CA10: variants seen among roughly 807,000 people sequenced by gnomAD.
The protein encoded by CA10 is carbonic anhydrase-related protein 10.
In CA10, 14 loss-of-function variants were observed where a neutral mutation model predicts 44.2. The ratio of observed to expected loss-of-function variants is 0.32; its 90% CI spans 0.21 to 0.50. The LOEUF (loss-of-function observed/expected upper bound fraction) is 0.50. CA10 is among the 20% of genes least tolerant of loss of function. The pLI is 0.99. For synonymous variants in CA10, 159 were observed against 141.6 expected (o/e 1.12, Z -0.87); for missense variants, 350 against 409.7 (o/e 0.85, Z 1.26).
At chr17:52,128,609 C>A (rs1459641382) in intron 1 of CA10, among the ~76,000 whole-genome samples, 1 of 152,158 alleles carries the variant, frequency 6.6e-6, no homozygotes, top group Non-Finnish European at 1.5e-5. Flanking sequence ...ACCACTGATG[C>A]AGGATCTGAT....
At position 51,727,397 on chromosome 17, in the gene CA10, C is replaced by T. The variant is rs528158215; in HGVS notation, c.465+20236G>A. On this transcript the variant is annotated intron_variant, in intron 4 of 8. Transcript: ENST00000451037. ...CCAGATTAATGAGATGTCACCAAGA[C>T]GATTTTTTTTTTTACTTTAAAATGA... 1.1e-4 allele frequency among the ~76,000 whole-genome samples: 10 copies of T among 91,092 alleles called. No individual in the cohort carries two copies. In the East Asian group the frequency reaches 1.2e-3, roughly 11 times the overall value. 59.8% of individuals were successfully genotyped at this position (91,092 alleles called of 152,430 possible).
intron 1 of CA10, among the ~76,000 whole-genome samples, 197 bp downstream of exon 1, chr17:52,157,529 A>ACC (rs368350526): frequency 0.077 from 8,334 of 108,070 alleles, 317 homozygotes; most frequent in East Asian, 0.16. Flanking sequence ...GATCCTAACC[A>ACC]CCCCCCCCCG....
chr17:52,084,148 A>G (rs1189242604), intron 1 of CA10, among the ~76,000 whole-genome samples: 1 of 152,196 alleles, frequency 6.6e-6, no homozygotes, highest in Non-Finnish European at 1.5e-5. Context: ...AAACTGATTC[A>G]GGGAACTCAT....
At chr17:52,052,752 G>C (rs1012404079) in intron 2 of CA10, among the ~76,000 whole-genome samples, 3 of 152,064 alleles carry the variant, frequency 2.0e-5, no homozygotes, top group African/African-American at 4.8e-5. Context: ...AAAGTACTCG[G>C]AGCAGAAGCA....
At chr17:51,847,666 G>A (rs1978555406) in intron 3 of CA10, among the ~76,000 whole-genome samples, 1 of 152,208 alleles carries the variant, frequency 6.6e-6, no homozygotes, top group African/African-American at 2.4e-5. Flanking sequence ...TATAATGGCA[G>A]GAATCAGTGG....
At position 51,978,840 on chromosome 17, in the gene CA10, C is replaced by T. The variant is rs574381998; in HGVS notation, c.137-47708G>A. Among the ~76,000 whole-genome samples the T allele has an allele frequency of 2.0e-5, 3 of 152,198 alleles. No individual in the cohort carries two copies. The East Asian group carries it at 5.8e-4, about 29-fold the overall frequency. On this transcript the variant is annotated intron_variant, in intron 2 of 8. Coordinates refer to ENST00000451037, the MANE Select transcript of CA10 (RefSeq NM_020178.5). ...CCCATCTCTGGGTACTCATCCCTAA[C>T]ATGTATATTTTCAAGCAATAAGTCT... is the stretch of plus-strand genomic sequence containing the variant.
intron 4 of CA10, among the ~76,000 whole-genome samples, chr17:51,693,313 C>T (rs1915282990): frequency 6.6e-6 from 1 of 152,078 alleles, no homozygotes. Context: ...GTTTAGACTC[C>T]TCTGGGTAAT....
intron 4 of CA10, among the ~76,000 whole-genome samples, chr17:51,659,553 G>A (rs528601820): frequency 9.8e-5 from 15 of 152,318 alleles, no homozygotes; most frequent in African/African-American, 3.1e-4. Flanking sequence ...GATGGGTACC[G>A]GGTGATCAGA....
At chr17:51,642,998 T>A (rs1913156635) in intron 6 of CA10, among the ~76,000 whole-genome samples, 1 of 152,170 alleles carries the variant, frequency 6.6e-6, no homozygotes, top group Non-Finnish European at 1.5e-5. Context: ...TTGGACTAAA[T>A]GAATGGGGGC....
chr17:51,898,991 A>C (rs531670921), intron 3 of CA10, among the ~76,000 whole-genome samples: 1 of 151,904 alleles, frequency 6.6e-6, no homozygotes, highest in South Asian at 2.1e-4. Context: ...TGTTCTTTCA[A>C]AAAAACCTCC....
rs962334180 is a variant in CA10 at position 51,884,922 on chromosome 17, T to C, written c.279+46068A>G. Reference sequence around the variant, plus strand: ...CCTGGCTTTCTTCCTTATTTGTCTGTATTCTTGTATCTTCACATGCCCTTT... The same window carrying C: ...CCTGGCTTTCTTCCTTATTTGTCTGCATTCTTGTATCTTCACATGCCCTTT... On this transcript the variant is annotated intron_variant, in intron 3 of 8. Coordinates refer to ENST00000451037, the MANE Select transcript of CA10 (RefSeq NM_020178.5). 4.6e-5 allele frequency among the ~76,000 whole-genome samples: 7 copies of C among 152,178 alleles called. 1 individual carries two copies.
chr17:51,755,189 T>C (rs1403555797), intron 3 of CA10, among the ~76,000 whole-genome samples: 1 of 152,220 alleles, frequency 6.6e-6, no homozygotes, highest in Admixed American at 6.5e-5. Flanking sequence ...AGGTTTATCC[T>C]TGAGTATAGA....
chr17:52,011,183 G>C (rs749304894), intron 2 of CA10, among the ~76,000 whole-genome samples: 1 of 151,796 alleles, frequency 6.6e-6, no homozygotes, highest in Non-Finnish European at 1.5e-5. Flanking sequence ...ACCATATTTG[G>C]AGCCTATCAT....
chr17:51,720,870 T>G (rs979462601), intron 4 of CA10, among the ~76,000 whole-genome samples: 3 of 152,066 alleles, frequency 2.0e-5, no homozygotes, highest in African/African-American at 7.2e-5. Context: ...AATGTATGTA[T>G]ACTTTAAAAT....
chr17:51,874,400 A>C (rs890848036), intron 3 of CA10, among the ~76,000 whole-genome samples: 25 of 151,784 alleles, frequency 1.6e-4, no homozygotes, highest in Non-Finnish European at 2.9e-4. Context: ...AAAAAAAAAA[A>C]AAAAAACAAA....
At chr17:51,921,985 C>A (rs904185936) in intron 3 of CA10, among the ~76,000 whole-genome samples, 1 of 152,136 alleles carries the variant, frequency 6.6e-6, no homozygotes, top group African/African-American at 2.4e-5. Context: ...AATTCTAATG[C>A]AAACATTAGT....
At chr17:51,678,992 G>A (rs916294069) in intron 4 of CA10, among the ~76,000 whole-genome samples, 3 of 152,052 alleles carry the variant, frequency 2.0e-5, no homozygotes, top group Non-Finnish European at 4.4e-5. Flanking sequence ...AGCTTTCTCC[G>A]TTCATTCATT....
chr17:51,682,978 C>T (rs1914894170), intron 4 of CA10, among the ~76,000 whole-genome samples: 1 of 152,120 alleles, frequency 6.6e-6, no homozygotes, highest in Non-Finnish European at 1.5e-5. Flanking sequence ...GGTCTTTGTC[C>T]CTCCCTTGGA....
chr17:51,973,812 C>T (rs1030567347), intron 2 of CA10, among the ~76,000 whole-genome samples: 1 of 151,894 alleles, frequency 6.6e-6, no homozygotes, highest in African/African-American at 2.4e-5. Flanking sequence ...ATGAAGTGAC[C>T]ACAATGTACA....
Sources: gnomAD v4.1 joint callset for allele counts (sites outside exome capture counted in the v4.1 genomes callset) on GRCh38, gnomAD v4.1.1 for gene constraint, MANE v1.5 for transcripts, NCBI Gene and HGNC (gene_info 2026-07-23, HGNC 2026-07-21) for gene names.